The following TCF7L2 variants were observed in gnomAD, a reference collection of about 807,000 sequenced individuals.
TCF7L2 encodes transcription factor 7-like 2.
Under a neutral mutation model 77.9 loss-of-function variants are expected in TCF7L2, and 23 were observed. That is an observed-to-expected ratio of 0.30 (90% confidence interval 0.21 to 0.42). The LOEUF is 0.42. Among genes scored for constraint, TCF7L2 ranks in the 10% least tolerant of loss-of-function variants. The pLI is 1.00. For synonymous variants in TCF7L2, 413 were observed against 340.2 expected (o/e 1.21, Z -2.36); for missense variants, 654 against 793.1 (o/e 0.82, Z 2.11).
At chr10:113,005,323 G>A (rs1276737646) in intron 4 of TCF7L2, among the ~76,000 whole-genome samples, 1 of 152,222 alleles carries the variant, frequency 6.6e-6, no homozygotes, top group Non-Finnish European at 1.5e-5. Context: ...CAGAAGATGG[G>A]TTAGAGGTGG....
chr10:113,001,155 C>T (rs1473457677), intron 4 of TCF7L2, among the ~76,000 whole-genome samples: 1 of 152,202 alleles, frequency 6.6e-6, no homozygotes, highest in East Asian at 1.9e-4. Context: ...AGGAGAGTGA[C>T]AGGCGGTTTG....
chr10:113,109,992 A>G (rs1380435421), intron 5 of TCF7L2, among the ~76,000 whole-genome samples: 1 of 152,218 alleles, frequency 6.6e-6, no homozygotes, highest in East Asian at 1.9e-4. Context: ...TCATACAGAA[A>G]ATAGCTTTGC....
At chr10:113,164,252 C>T (rs868191137) in intron 13 of TCF7L2, among the ~76,000 whole-genome samples, 5 of 152,294 alleles carry the variant, frequency 3.3e-5, no homozygotes, top group East Asian at 3.9e-4. Flanking sequence ...TGATTTTCCC[C>T]GACCTCATCC....
At chr10:112,981,648 G>A (rs144222591) in intron 4 of TCF7L2, among the ~76,000 whole-genome samples, 1 of 152,154 alleles carries the variant, frequency 6.6e-6, no homozygotes, top group Admixed American at 6.5e-5. Flanking sequence ...TAAATGTGAC[G>A]GGAACCAATG....
At chr10:113,045,402 A>G (rs936252558) in intron 5 of TCF7L2, among the ~76,000 whole-genome samples, 4 of 152,218 alleles carry the variant, frequency 2.6e-5, no homozygotes, top group Admixed American at 2.0e-4. Flanking sequence ...CCGTCCTCTC[A>G]ACCACTGCAG....
At chr10:113,072,203 C>T (rs1677145714) in intron 5 of TCF7L2, among the ~76,000 whole-genome samples, 1 of 151,132 alleles carries the variant, frequency 6.6e-6, no homozygotes, top group African/African-American at 2.4e-5. Flanking sequence ...CTACAGGCAC[C>T]CGCCACCACG....
intron 4 of TCF7L2, among the ~76,000 whole-genome samples, chr10:113,038,285 G>A (rs1590847491): frequency 6.6e-6 from 1 of 152,170 alleles, no homozygotes; most frequent in African/African-American, 2.4e-5. Context: ...AGCAAGGGGA[G>A]TCGATGCAGG....
chr10:113,043,950 A>AC (rs1472545231), intron 5 of TCF7L2, among the ~76,000 whole-genome samples: 1 of 152,174 alleles, frequency 6.6e-6, no homozygotes, highest in Non-Finnish European at 1.5e-5. Context: ...CAGCAAAAAA[A>AC]GATTCAGTAC....
chr10:113,089,601 C>T, intron 5 of TCF7L2: 2 of 1,582,072 alleles, frequency 1.3e-6, no homozygotes, highest in Non-Finnish European at 1.7e-6. Flanking sequence ...AGCCGCCCAC[C>T]CAAAGTTTAC....
At chr10:112,987,763 C>T (rs909582876) in intron 4 of TCF7L2, 33 of 158,558 alleles carry the variant, frequency 2.1e-4, no homozygotes, top group African/African-American at 7.3e-4. Context: ...GCTCCTGTCC[C>T]AGCAGCTGGC....
At position 113,151,841 on chromosome 10, in the gene TCF7L2, C is replaced by T. The variant is rs750718467; in HGVS notation, c.1118C>T (p.Thr373Met). 1 of 1,612,510 alleles carries T rather than the reference C, an allele frequency of 6.2e-7. No individual in the cohort carries two copies. The highest frequency in any genetic ancestry group is 8.5e-7 in the Non-Finnish European group (1 of 1,179,654). The change falls in exon 10 of 14, where the codon ACG (threonine) becomes ATG (methionine). Residue 373 changes from threonine to methionine, a missense_variant. Thr to Met is a moderately conservative substitution (Grantham distance 81). Transcript: ENST00000627217. The surrounding 1 kb of genome is among the most constrained non-coding windows in gnomAD (Gnocchi z 5.2). ...AGAGCAAAGGTCGTAGCTGAGTGCA[C>T]GTTGAAAGAAAGCGCGGCCATCAAC...
At position 113,151,335 on chromosome 10, in the gene TCF7L2, C is replaced by T. The variant is rs760050262; in HGVS notation, c.1001+212C>T. The stretch of plus-strand genomic sequence containing the variant: ...TGTACCACCGTGGGTTAGAACAGAA[C>T]TGTTTTTTGTGTGTGTACTTGGATA... On this transcript the variant is annotated intron_variant, in intron 9 of 13. Coordinates refer to ENST00000627217, the MANE Select transcript of TCF7L2 (RefSeq NM_001146274.2). This position sits in a 1 kb window ranked among gnomAD's most constrained non-coding sequence, Gnocchi z 5.2. 2.0e-5 allele frequency among the ~76,000 whole-genome samples: 3 copies of T among 152,140 alleles called. No individual in the cohort carries two copies. Among genetic ancestry groups the T allele is most frequent in the Non-Finnish European group, 4.4e-5 (3 of 68,042 alleles).
chr10:113,009,170 A>G (rs186774596), intron 4 of TCF7L2, among the ~76,000 whole-genome samples: 22 of 152,230 alleles, frequency 1.4e-4, no homozygotes, highest in Non-Finnish European at 2.8e-4. Flanking sequence ...TTTTATAGTG[A>G]TGAGAATTCA....
intron 5 of TCF7L2, among the ~76,000 whole-genome samples, chr10:113,138,041 G>T (rs1211461216): frequency 6.6e-6 from 1 of 152,182 alleles, no homozygotes; most frequent in Non-Finnish European, 1.5e-5. Context: ...GTGGCAATTA[G>T]TCCCTGGTTT....
chr10:113,013,021 G>T (rs1305317609), intron 4 of TCF7L2, among the ~76,000 whole-genome samples: 1 of 151,638 alleles, frequency 6.6e-6, no homozygotes, highest in Non-Finnish European at 1.5e-5. Context: ...TGCAGTGGGA[G>T]AAAGGAAGGT....
intron 4 of TCF7L2, among the ~76,000 whole-genome samples, chr10:112,980,896 G>A (rs1445048233): frequency 1.3e-5 from 2 of 152,170 alleles, no homozygotes; most frequent in Non-Finnish European, 2.9e-5. Context: ...AAAGTGCTGG[G>A]ATTACAGGCG....
intron 4 of TCF7L2, among the ~76,000 whole-genome samples, chr10:113,036,837 G>C (rs1475072272): frequency 6.6e-6 from 1 of 152,156 alleles, no homozygotes; most frequent in Non-Finnish European, 1.5e-5. Flanking sequence ...GAGAGGAAGA[G>C]AGCTGGAGCC....
At chr10:112,984,172 A>C (rs2041034773) in intron 4 of TCF7L2, among the ~76,000 whole-genome samples, 1 of 152,214 alleles carries the variant, frequency 6.6e-6, no homozygotes, top group Non-Finnish European at 1.5e-5. Flanking sequence ...GTTGGTCAAT[A>C]GACTTTCCCC....
intron 6 of TCF7L2, 35 bp downstream of exon 6, chr10:113,141,351 T>TGGTCCTGG: frequency 6.2e-7 from 1 of 1,613,650 alleles, no homozygotes; most frequent in Non-Finnish European, 8.5e-7. Context: ...GGTAGAGTGC[T>TGGTCCTGG]GGTCCTGGGG....
Sources: gnomAD v4.1 joint callset for allele counts (sites outside exome capture counted in the v4.1 genomes callset) on GRCh38, gnomAD v4.1.1 for gene constraint, Gnocchi (gnomAD v3.1) non-coding constraint, MANE v1.5 for transcripts, NCBI Gene and HGNC (gene_info 2026-07-23, HGNC 2026-07-21) for gene names.